Variants in NUFIP2 observed in about 807,000 individuals in gnomAD.
The protein encoded by NUFIP2 is FMR1-interacting protein NUFIP2.
A neutral mutation model predicts 56.9 loss-of-function variants in NUFIP2; 6 were observed. That is an observed-to-expected ratio of 0.11 (90% CI 0.06 to 0.21). The LOEUF (loss-of-function observed/expected upper bound fraction) is 0.21. NUFIP2 is among the 10% of genes least tolerant of loss of function. NUFIP2 has a pLI of 1.00. For missense variants in NUFIP2, 828 were observed against 826.8 expected (o/e 1.00, Z -0.02); for synonymous variants, 321 against 298.2 (o/e 1.08, Z -0.79).
At position 29,260,191 on chromosome 17, in the gene NUFIP2, G is replaced by A. The variant is rs528615291; in HGVS notation, c.*4348C>T. 1.3e-5 allele frequency: 2 copies of A among 152,162 alleles called. No individual in the cohort carries two copies. Among genetic ancestry groups the A allele is most frequent in the Admixed American group, 1.3e-4 (2 of 15,290 alleles). The allele number at this position is 152,162 out of a possible 1,614,324, so 9.4% of individuals were successfully genotyped here. On this transcript the variant is annotated 3_prime_UTR_variant, in exon 4 of 4. Transcript: ENST00000225388. ...ACAAATTATCAAAATTTTGTGGCGG[G>A]TAAGGGGACAAGAGCAAATCCTACG...
In NUFIP2 at chr17:29,278,307, C is replaced by T. The variant is rs1052498805; in HGVS notation, c.2002+7685G>A. 3.3e-5 allele frequency among the ~76,000 whole-genome samples: 5 copies of T among 151,832 alleles called. No individual in the cohort carries two copies. In the East Asian group the frequency reaches 5.8e-4, roughly 18 times the overall value. ...TGTCCCCCAGGCTAGACTGCAGTGG[C>T]GCGATCTCGGCTCACTGCAAGCTCC... On this transcript the variant is annotated intron_variant, in intron 2 of 3. Coordinates refer to ENST00000225388, the MANE Select transcript of NUFIP2 (RefSeq NM_020772.3).
chr17:29,281,049 C>T (rs1294124733), intron 2 of NUFIP2, among the ~76,000 whole-genome samples: 1 of 150,552 alleles, frequency 6.6e-6, no homozygotes, highest in Non-Finnish European at 1.5e-5. Context: ...AATCCTAGCA[C>T]TTTGGGAGGC....
intron 1 of NUFIP2, among the ~76,000 whole-genome samples, chr17:29,292,724 C>G (rs1363814902): frequency 1.3e-5 from 2 of 150,020 alleles, no homozygotes; most frequent in Admixed American, 6.6e-5. Flanking sequence ...CCGCCGCACC[C>G]GGGAGCGGGA....
In NUFIP2 at chr17:29,258,512, C is replaced by T. The variant is rs1198289674; in HGVS notation, c.*6027G>A. 1 of 152,142 alleles carries T rather than the reference C, an allele frequency of 6.6e-6. No homozygotes were observed. The highest frequency in any genetic ancestry group is 1.5e-5 in the Non-Finnish European group (1 of 68,022). The allele number at this position is 152,142 out of a possible 1,614,324, so 9.4% of individuals were successfully genotyped here. On this transcript the variant is annotated 3_prime_UTR_variant, in exon 4 of 4. Coordinates refer to ENST00000225388, the MANE Select transcript of NUFIP2 (RefSeq NM_020772.3). ...GATCAGCAACAAATCAATGACACCA[C>T]GTCCTTTAAGCCATTCTTCCCAATT...
intron 2 of NUFIP2, among the ~76,000 whole-genome samples, chr17:29,283,964 A>G (rs1168119728): frequency 6.6e-6 from 1 of 152,212 alleles, no homozygotes; most frequent in Non-Finnish European, 1.5e-5. Flanking sequence ...TATTAAAAGG[A>G]CATCTATTTA....
chr17:29,256,107 G>A lies in NUFIP2; in HGVS notation c.*8432C>T, dbSNP rs1036567156. 1 of 152,208 alleles carries A rather than the reference G, an allele frequency of 6.6e-6. No individual in the cohort carries two copies. The highest frequency in any genetic ancestry group is 2.4e-5 in the African/African-American group (1 of 41,450). 9.4% of individuals were successfully genotyped at this position (152,208 alleles called of 1,614,324 possible). A position where few individuals can be genotyped will look rare whatever the true frequency, so the allele number is the denominator to read the frequency against. On this transcript the variant is annotated 3_prime_UTR_variant, in exon 4 of 4. Coordinates refer to ENST00000225388, the MANE Select transcript of NUFIP2 (RefSeq NM_020772.3). ...GCAAAAGGGAAAATTTCTGGTGACT[G>A]TTCTTATATGTAGAAAAGACCTATA...
At chr17:29,275,287 G>C (rs1263607377) in intron 2 of NUFIP2, among the ~76,000 whole-genome samples, 1 of 152,132 alleles carries the variant, frequency 6.6e-6, no homozygotes, top group Non-Finnish European at 1.5e-5. Flanking sequence ...GCCTCCCAAA[G>C]TGCTGGGATT....
chr17:29,284,564 G>T (rs1366013357), intron 2 of NUFIP2, among the ~76,000 whole-genome samples: 3 of 151,862 alleles, frequency 2.0e-5, no homozygotes, highest in African/African-American at 4.8e-5. Context: ...AAATTAGCCA[G>T]GCGTGGTGGT....
intron 2 of NUFIP2, among the ~76,000 whole-genome samples, chr17:29,279,348 AATTT>A (rs2069126774): frequency 6.6e-6 from 1 of 152,068 alleles, no homozygotes; most frequent in African/African-American, 2.4e-5. Flanking sequence ...CTTTTTAAAA[AATTT>A]TTTTTAAAAT....
intron 3 of NUFIP2, among the ~76,000 whole-genome samples, chr17:29,266,864 T>C (rs2069040344): frequency 6.6e-6 from 1 of 151,852 alleles, no homozygotes; most frequent in South Asian, 2.1e-4. Flanking sequence ...TATGGTAGTG[T>C]CTTTTTGTTG....
chr17:29,264,638 A>G, intron 3 of NUFIP2, 47 bp from the exon 4 acceptor site: 1 of 1,195,764 alleles, frequency 8.4e-7, no homozygotes, highest in Non-Finnish European at 1.2e-6. Context: ...AGAATCTCAA[A>G]ATGCCCGTAT....
rs562953691 is a variant in NUFIP2, at chr17:29,273,583, T to C, written c.2003-6053A>G. On this transcript the variant is annotated intron_variant, in intron 2 of 3. Coordinates refer to ENST00000225388, the MANE Select transcript of NUFIP2 (RefSeq NM_020772.3). ...CTTTTTGAAGAGTGATCACAGCATC[T>C]AATTATGCAAATATTTATTGAGAAA... is the stretch of plus-strand genomic sequence containing the variant. 6.6e-5 allele frequency among the ~76,000 whole-genome samples: 10 copies of C among 152,272 alleles called. No individual in the cohort carries two copies. The East Asian group carries it at 1.7e-3, about 26-fold the overall frequency.
In NUFIP2 at chr17:29,293,812, T is replaced by A. The variant is rs1462545505; in HGVS notation, c.248A>T (p.Gln83Leu). 6.6e-7 allele frequency: 1 copy of A among 1,522,786 alleles called. No individual in the cohort carries two copies. The highest frequency in any genetic ancestry group is 1.8e-5 in the Admixed American group (1 of 56,372). 94.3% of individuals were successfully genotyped at this position (1,522,786 alleles called of 1,614,324 possible). The change falls in exon 1 of 4, where the codon CAG becomes CTG. Residue 83 changes from glutamine to leucine, a missense_variant. By Grantham distance (113) the Gln-to-Leu change is moderately radical (BLOSUM62 -2). Around this residue, in one of 3 missense-constraint regions of NUFIP2, gnomAD observed 415 missense variants for 408.7 expected, o/e 1.02. Transcript: ENST00000225388. Reference protein sequence around the residue: ...LKHEQKHTLQQHQETPKKKTG... With the variant: ...LKHEQKHTLQLHQETPKKKTG... ...TTTCTTCTTCGGCGTTTCCTGGTGCTGCTGGAGGGTGTGTTTCTGCTCATG... is the reference window on the plus strand; with the variant it reads ...TTTCTTCTTCGGCGTTTCCTGGTGCAGCTGGAGGGTGTGTTTCTGCTCATG...
At chr17:29,290,767 A>G (rs564152465) in intron 1 of NUFIP2, among the ~76,000 whole-genome samples, 2 of 152,282 alleles carry the variant, frequency 1.3e-5, no homozygotes, top group East Asian at 1.9e-4. Context: ...CTAACTCTGG[A>G]TAAGACCTAC....
At chr17:29,273,525 C>G (rs1250737559) in intron 2 of NUFIP2, among the ~76,000 whole-genome samples, 3 of 148,834 alleles carry the variant, frequency 2.0e-5, no homozygotes, top group African/African-American at 2.5e-5. Flanking sequence ...CACACACACA[C>G]AGACACACAG....
At chr17:29,283,030 G>A (rs556899318) in intron 2 of NUFIP2, among the ~76,000 whole-genome samples, 8 of 152,142 alleles carry the variant, frequency 5.3e-5, no homozygotes, top group Non-Finnish European at 8.8e-5. Flanking sequence ...TGTTCTAGAG[G>A]GGTAAAAATT....
At chr17:29,275,097 C>T (rs1352714603) in intron 2 of NUFIP2, among the ~76,000 whole-genome samples, 1 of 152,028 alleles carries the variant, frequency 6.6e-6, no homozygotes, top group East Asian at 1.9e-4. Context: ...CGGCTCACTG[C>T]AACCTCCACC....
chr17:29,261,017 T>G lies in NUFIP2; in HGVS notation c.*3522A>C, dbSNP rs1163586633. 6.6e-6 allele frequency: 1 copy of G among 152,190 alleles called. No homozygotes were observed. The highest frequency in any genetic ancestry group is 1.5e-5 in the Non-Finnish European group (1 of 68,028). The allele number at this position is 152,190 out of a possible 1,614,324, so 9.4% of individuals were successfully genotyped here. A position where few individuals can be genotyped will look rare whatever the true frequency, so the allele number is the denominator to read the frequency against. ...ACTAAGGAGGTTAGAAGAAAGGCTATGTAATTAACTTCAGTTCAGCAAAGT... is the reference window on the plus strand; with the variant it reads ...ACTAAGGAGGTTAGAAGAAAGGCTAGGTAATTAACTTCAGTTCAGCAAAGT... On this transcript the variant is annotated 3_prime_UTR_variant, in exon 4 of 4. Transcript: ENST00000225388.
intron 1 of NUFIP2, among the ~76,000 whole-genome samples, chr17:29,292,856 C>T (rs1318899122): frequency 4.4e-5 from 6 of 135,704 alleles, no homozygotes; most frequent in Non-Finnish European, 9.5e-5. Context: ...GCGCCGCCAC[C>T]GGGTTACACA....
Sources: allele counts gnomAD v4.1 joint callset (sites outside exome capture counted in the v4.1 genomes callset), GRCh38; gene constraint gnomAD v4.1.1; regional missense constraint gnomAD v4.1.1; transcripts MANE v1.5; gene names NCBI Gene and HGNC (gene_info 2026-07-23, HGNC 2026-07-21).